Variants in ZEB2 observed in about 807,000 individuals in gnomAD.
ZEB2 encodes zinc finger E-box binding homeobox 2, also known as zinc finger E-box-binding homeobox 2.
Under a neutral mutation model 99.9 loss-of-function variants are expected in ZEB2, and 6 were observed. The ratio of observed to expected loss-of-function variants is 0.06; its 90% CI spans 0.03 to 0.12. The LOEUF (loss-of-function observed/expected upper bound fraction) is 0.12, where lower values mean the gene tolerates loss of function less well. Among genes scored for constraint, ZEB2 ranks in the 10% least tolerant of loss-of-function variants. The pLI, the probability that ZEB2 is intolerant of heterozygous loss-of-function variation, is 1.00. For missense variants in ZEB2, 969 were observed against 1,502.8 expected, an observed-to-expected ratio of 0.64 and a Z score of 5.87; for synonymous variants, 517 against 542.5, an observed-to-expected ratio of 0.95 and a Z score of 0.65.
At chr2:144,513,110 T>G (rs1205040260) in intron 2 of ZEB2, 1 of 1,285,928 alleles carries the variant, frequency 7.8e-7, no homozygotes, top group Non-Finnish European at 1.0e-6. Flanking sequence ...AGGAGGCACC[T>G]CCTGGAGAAG....
intron 2 of ZEB2, among the ~76,000 whole-genome samples, chr2:144,485,705 C>T (rs1014779103): frequency 6.6e-6 from 1 of 152,086 alleles, no homozygotes; most frequent in Non-Finnish European, 1.5e-5. Flanking sequence ...CTGCAACCTT[C>T]GCCTCTGGGT....
intron 2 of ZEB2, chr2:144,513,715 T>G: frequency 6.5e-7 from 1 of 1,535,910 alleles, no homozygotes; most frequent in East Asian, 2.4e-5. Context: ...AGCAACAAAC[T>G]TTGCAAGTTA....
chr2:144,513,355 G>C (rs762399253), intron 2 of ZEB2: 14 of 1,315,836 alleles, frequency 1.1e-5, no homozygotes, highest in Non-Finnish European at 1.4e-5. Context: ...TGCCACTGAA[G>C]TTCAGAGACC....
chr2:144,445,584 AC>A (rs1302163182), intron 2 of ZEB2, among the ~76,000 whole-genome samples: 1 of 152,128 alleles, frequency 6.6e-6, no homozygotes, highest in Admixed American at 6.5e-5. Context: ...CTTAGGTGGT[AC>A]CTTTTGCTCT....
At chr2:144,480,390 T>C (rs1443875375) in intron 2 of ZEB2, among the ~76,000 whole-genome samples, 1 of 152,142 alleles carries the variant, frequency 6.6e-6, no homozygotes, top group Non-Finnish European at 1.5e-5. Flanking sequence ...ATTAGCAGGG[T>C]TCCCAGTAGT....
intron 2 of ZEB2, among the ~76,000 whole-genome samples, chr2:144,467,197 A>C (rs986209253): frequency 2.0e-5 from 3 of 152,130 alleles, no homozygotes; most frequent in African/African-American, 7.2e-5. Context: ...ATTGTGGTAA[A>C]ACTAAAATAA....
intron 3 of ZEB2, chr2:144,429,499 A>T: frequency 2.0e-6 from 1 of 490,030 alleles, no homozygotes; most frequent in Non-Finnish European, 3.7e-6. Context: ...AATGTGGTGC[A>T]AATACCTCAT....
chr2:144,502,858 T>C (rs1704894215), intron 2 of ZEB2, among the ~76,000 whole-genome samples: 1 of 152,202 alleles, frequency 6.6e-6, no homozygotes. Context: ...CCCTTGATTT[T>C]TTTTTTTCTC....
chr2:144,404,374 G>T (rs1157786612), intron 5 of ZEB2, among the ~76,000 whole-genome samples: 1 of 143,750 alleles, frequency 7.0e-6, no homozygotes. Context: ...TTTTTTGGGG[G>T]GGTGGGGGGG....
intron 2 of ZEB2, chr2:144,494,617 C>G (rs1439761018): frequency 6.6e-6 from 1 of 152,048 alleles, no homozygotes; most frequent in East Asian, 1.9e-4. Context: ...TCCTTTAATG[C>G]CCAGCTGGTT....
chr2:144,409,546 A>T (rs2149881708), intron 4 of ZEB2, among the ~76,000 whole-genome samples: 1 of 152,320 alleles, frequency 6.6e-6, no homozygotes, highest in East Asian at 1.9e-4. Context: ...TCAAACCATA[A>T]CAAAAATTCA....
intron 2 of ZEB2, among the ~76,000 whole-genome samples, chr2:144,450,946 G>A (rs893325209): frequency 6.6e-6 from 1 of 152,214 alleles, no homozygotes; most frequent in African/African-American, 2.4e-5. Flanking sequence ...CCAAAGCGCT[G>A]GGATTACAGG....
chr2:144,497,382 C>G lies in ZEB2; in HGVS notation c.73+19896G>C, dbSNP rs575891967. On this transcript the variant is annotated intron_variant, in intron 2 of 9. Coordinates refer to ENST00000627532, the MANE Select transcript of ZEB2 (RefSeq NM_014795.4). ...TTTGATCCACAGACCTCAGCCAGAGCCTGCACATAGTAGGTGTGTAATTAA... is the reference window on the plus strand; with the variant it reads ...TTTGATCCACAGACCTCAGCCAGAGGCTGCACATAGTAGGTGTGTAATTAA... Among the ~76,000 whole-genome samples, 3 of 152,266 alleles carry G rather than the reference C, an allele frequency of 2.0e-5. No individual in the cohort carries two copies. The East Asian group carries it at 5.8e-4, about 29-fold the overall frequency.
At chr2:144,422,869 C>T (rs1023483875) in intron 4 of ZEB2, among the ~76,000 whole-genome samples, 2 of 152,130 alleles carry the variant, frequency 1.3e-5, no homozygotes, top group African/African-American at 4.8e-5. Flanking sequence ...CCATTTGTTG[C>T]AGGTTTATCA....
At chr2:144,460,620 GT>G (rs796277731) in intron 2 of ZEB2, among the ~76,000 whole-genome samples, 41 of 150,518 alleles carry the variant, frequency 2.7e-4, no homozygotes, top group East Asian at 3.9e-4. Context: ...TGAGAGCACT[GT>G]TTTTTTTTAA....
At chr2:144,459,179 G>A (rs532835225) in intron 2 of ZEB2, among the ~76,000 whole-genome samples, 52 of 152,214 alleles carry the variant, frequency 3.4e-4, no homozygotes, top group Non-Finnish European at 6.0e-4. Context: ...AGCTACTGGA[G>A]ATCTTAGAGG....
chr2:144,440,503 ATATATATATATATTTTTTTTTTTTTTT>A lies in ZEB2; in HGVS notation c.74-10504_74-10478del, dbSNP rs1165139772. Among the ~76,000 whole-genome samples the A allele has an allele frequency of 1.8e-3, 72 of 39,084 alleles. No homozygotes were observed. In the East Asian group the frequency reaches 0.071, roughly 38 times the overall value. 25.6% of individuals were successfully genotyped at this position (39,084 alleles called of 152,430 possible). ...AAAAGCAGTATATATATATATATATATATATATATATATTTTTTTTTTTTTTTTTTTTTTTTTTTAACTAGTGGTTAA... is the reference window on the plus strand; with the variant it reads ...AAAAGCAGTATATATATATATATATATTTTTTTTTTTTAACTAGTGGTTAA... On this transcript the variant is annotated intron_variant, in intron 2 of 9. Transcript: ENST00000627532.
intron 2 of ZEB2, chr2:144,513,604 G>A: frequency 6.5e-7 from 1 of 1,530,594 alleles, no homozygotes. Flanking sequence ...GCTGATGCTG[G>A]AAGGTGGCGG....
At chr2:144,413,447 C>T (rs1573729733) in intron 4 of ZEB2, among the ~76,000 whole-genome samples, 1 of 152,206 alleles carries the variant, frequency 6.6e-6, no homozygotes, top group South Asian at 2.1e-4. Context: ...ACAGGCTCTT[C>T]TTGGCGTTCA....
Sources: allele counts gnomAD v4.1 joint callset (sites outside exome capture counted in the v4.1 genomes callset), GRCh38; gene constraint gnomAD v4.1.1; transcripts MANE v1.5; gene names NCBI Gene and HGNC (gene_info 2026-07-23, HGNC 2026-07-21).